Variants in SGCD observed in about 807,000 individuals in gnomAD.
SGCD encodes delta-sarcoglycan.
In SGCD, 18 loss-of-function variants were observed where a neutral mutation model predicts 36.6. The ratio of observed to expected loss-of-function variants is 0.49; its 90% confidence interval spans 0.34 to 0.73. The LOEUF is 0.73. Ranked by LOEUF, SGCD falls within the 30% of genes least tolerant of loss-of-function variation. The pLI, the probability that SGCD is intolerant of heterozygous loss-of-function variation, is 0.01. For synonymous variants in SGCD, 133 were observed against 130.6 expected, an observed-to-expected ratio of 1.02 and a Z score of -0.12; for missense variants, 387 against 346.7, an observed-to-expected ratio of 1.12 and a Z score of -0.92.
At chr5:156,587,861 TG>T (rs1242702925) in intron 4 of SGCD, among the ~76,000 whole-genome samples, 5 of 151,930 alleles carry the variant, frequency 3.3e-5, no homozygotes, top group African/African-American at 1.2e-4. Flanking sequence ...AAATCACTCT[TG>T]CTATTCTCTG....
chr5:155,737,706 G>A, the SGCD span, among the ~76,000 whole-genome samples: 1 of 149,354 alleles, frequency 6.7e-6, no homozygotes, highest in South Asian at 2.1e-4. Context: ...ACCCACTCAT[G>A]CCTGCGAGTG....
chr5:156,727,503 A>G (rs1755838383), intron 7 of SGCD, among the ~76,000 whole-genome samples: 1 of 152,248 alleles, frequency 6.6e-6, no homozygotes, highest in Non-Finnish European at 1.5e-5. Flanking sequence ...TTAAAAACAT[A>G]TAGAACTGAA....
At chr5:156,256,452 C>A (rs1364512520) in intron 3 of SGCD, among the ~76,000 whole-genome samples, 2 of 152,202 alleles carry the variant, frequency 1.3e-5, no homozygotes. Flanking sequence ...TAGTTCTCCT[C>A]TCACTTAACA....
intron 7 of SGCD, among the ~76,000 whole-genome samples, chr5:156,690,473 G>C (rs557083663): frequency 1.3e-5 from 2 of 152,234 alleles, no homozygotes; most frequent in South Asian, 4.2e-4. Flanking sequence ...TGGTTTGTAT[G>C]CTGGTGAGTT....
rs76250185 is a variant in SGCD, at chr5:156,683,633, GC to G, written c.575+36099del. 4.1e-4 allele frequency among the ~76,000 whole-genome samples: 63 copies of G among 152,268 alleles called. No individual in the cohort carries two copies. In the East Asian group the frequency reaches 0.012, roughly 28 times the overall value. On this transcript the variant is annotated intron_variant, in intron 7 of 8. Coordinates refer to ENST00000337851, the MANE Select transcript of SGCD (RefSeq NM_000337.6). ...TAAGTTAATTAAGAAGAATGACAAA[GC>G]CAGCAGTTACAAAGCATCTAAACCC...
At chr5:156,599,539 T>A (rs1017462332) in intron 6 of SGCD, among the ~76,000 whole-genome samples, 1 of 152,170 alleles carries the variant, frequency 6.6e-6, no homozygotes, top group Non-Finnish European at 1.5e-5. Flanking sequence ...TACTTGTGGA[T>A]TCAGAACAAT....
At position 155,941,173 on chromosome 5, in the gene SGCD, C is replaced by T. The variant is rs114976574; in HGVS notation, c.-282+70749C>T. 6.4e-3 allele frequency among the ~76,000 whole-genome samples: 970 copies of T among 152,236 alleles called. 9 individuals are homozygous for T. Among genetic ancestry groups the T allele is most frequent in the African/African-American group, 0.023 (936 of 41,556 alleles). The stretch of plus-strand genomic sequence containing the variant: ...CTGACTTTTATAACAAACCCACTCT[C>T]GAGATAACTAACATACTCCCGTGAT... On this transcript the variant is annotated intron_variant, in intron 1 of 9. Transcript: ENST00000517913.
chr5:155,904,843 C>T (rs1369180004), intron 1 of SGCD, among the ~76,000 whole-genome samples: 2 of 152,272 alleles, frequency 1.3e-5, no homozygotes, highest in South Asian at 4.1e-4. Context: ...TGCTATCATG[C>T]CATGTTTAAT....
At chr5:156,556,124 A>AC (rs1245552435) in intron 4 of SGCD, among the ~76,000 whole-genome samples, 1 of 151,700 alleles carries the variant, frequency 6.6e-6, no homozygotes, top group Non-Finnish European at 1.5e-5. Flanking sequence ...AGATAAGAAA[A>AC]AAAAAAAAAA....
intron 1 of SGCD, among the ~76,000 whole-genome samples, chr5:155,915,701 T>A (rs1756720568): frequency 6.6e-6 from 1 of 152,204 alleles, no homozygotes. Context: ...CAATCATATA[T>A]CAAATGAGTT....
At position 156,464,994 on chromosome 5, in the gene SGCD, T is replaced by C. The variant is rs183365451; in HGVS notation, c.193-43607T>C. On this transcript the variant is annotated intron_variant, in intron 3 of 8. Transcript: ENST00000337851. ...GGACATTCTGCACACTTCAGATTCGTTGAGCTCTCTTAGAAGCAAATTTTC... is the reference window on the plus strand; with the variant it reads ...GGACATTCTGCACACTTCAGATTCGCTGAGCTCTCTTAGAAGCAAATTTTC... Among the ~76,000 whole-genome samples the C allele has an allele frequency of 1.9e-4, 29 of 152,316 alleles. No homozygotes were observed. The East Asian group carries it at 5.4e-3, about 28-fold the overall frequency.
the SGCD span, among the ~76,000 whole-genome samples, chr5:155,753,074 A>G: frequency 6.6e-6 from 1 of 152,168 alleles, no homozygotes; most frequent in South Asian, 2.1e-4. Flanking sequence ...GCAGTGGCTC[A>G]TGCCTGTAAT....
At chr5:156,500,395 A>G (rs183352262) in intron 3 of SGCD, among the ~76,000 whole-genome samples, 71 of 152,322 alleles carry the variant, frequency 4.7e-4, no homozygotes, top group African/African-American at 1.6e-3. Context: ...CAATCTGTAT[A>G]TAATTGTTTT....
the SGCD span, among the ~76,000 whole-genome samples, chr5:155,829,663 G>T: frequency 2.6e-5 from 4 of 152,206 alleles, no homozygotes; most frequent in African/African-American, 4.8e-5. Context: ...AATCCACTTT[G>T]CAGGAAATAG....
chr5:156,189,624 TA>T lies in SGCD; in HGVS notation c.-44+65608del, dbSNP rs370390555. 6.4e-4 allele frequency among the ~76,000 whole-genome samples: 97 copies of T among 152,076 alleles called. 1 individual carries two copies. In the East Asian group the frequency reaches 0.015, roughly 24 times the overall value. ...TCAGAACACATGGCAATTAGATATT[TA>T]AAGACAGAAAGTGGAGGAGGCTAAG... On this transcript the variant is annotated intron_variant, in intron 3 of 9. Transcript: ENST00000517913.
chr5:155,755,259 T>TA, the SGCD span, among the ~76,000 whole-genome samples: 1 of 152,240 alleles, frequency 6.6e-6, no homozygotes, highest in South Asian at 2.1e-4. Flanking sequence ...ACACATTTAT[T>TA]AAAACAAAAA....
chr5:156,638,041 G>A (rs1170796036), intron 6 of SGCD, among the ~76,000 whole-genome samples: 1 of 151,614 alleles, frequency 6.6e-6, no homozygotes, highest in African/African-American at 2.4e-5. Context: ...TTTCACCATA[G>A]GAAGGCATCA....
chr5:156,090,330 T>C (rs1271780088), intron 1 of SGCD, among the ~76,000 whole-genome samples: 1 of 152,116 alleles, frequency 6.6e-6, no homozygotes, highest in Non-Finnish European at 1.5e-5. Context: ...TGTCAGCTGG[T>C]CTGAGAAATA....
chr5:155,968,632 G>T (rs1311886975), intron 1 of SGCD, among the ~76,000 whole-genome samples: 1 of 152,100 alleles, frequency 6.6e-6, no homozygotes, highest in Non-Finnish European at 1.5e-5. Flanking sequence ...ATAACATAGT[G>T]TATATAGAGT....
Sources: gnomAD v4.1 joint callset for allele counts (sites outside exome capture counted in the v4.1 genomes callset) on GRCh38, gnomAD v4.1.1 for gene constraint, MANE v1.5 for transcripts, NCBI Gene and HGNC (gene_info 2026-07-23, HGNC 2026-07-21) for gene names.